MGAT4C: variants seen among roughly 807,000 people sequenced by gnomAD.
MGAT4C encodes alpha-1,3-mannosyl-glycoprotein 4-beta-N-acetylglucosaminyltransferase C.
MGAT4C carries 19 observed loss-of-function variants against 40.1 expected under a neutral mutation model. The ratio of observed to expected loss-of-function variants is 0.47; its 90% CI spans 0.33 to 0.70. The LOEUF (loss-of-function observed/expected upper bound fraction) is 0.70, where lower values mean the gene tolerates loss of function less well. Among genes scored for constraint, MGAT4C ranks in the 30% least tolerant of loss-of-function variants. The probability of loss-of-function intolerance (pLI) is 0.02; values close to 1 mark genes in which losing one functional copy is unlikely to be tolerated. For missense variants in MGAT4C, 491 were observed against 563.2 expected, an observed-to-expected ratio of 0.87 and a Z score of 1.30; for synonymous variants, 181 against 187.1, an observed-to-expected ratio of 0.97 and a Z score of 0.27.
chr12:86,372,312 A>C (rs913717984), intron 3 of MGAT4C, among the ~76,000 whole-genome samples: 1 of 151,892 alleles, frequency 6.6e-6, no homozygotes, highest in African/African-American at 2.4e-5. Flanking sequence ...CACCCGAATC[A>C]TGTATTAGTG....
At chr12:86,223,907 C>T (rs1182965986) in intron 1 of MGAT4C, among the ~76,000 whole-genome samples, 1 of 152,184 alleles carries the variant, frequency 6.6e-6, no homozygotes, top group African/African-American at 2.4e-5. Flanking sequence ...AGCACTACCA[C>T]TTGTGTTCCA....
At chr12:86,402,108 C>T (rs951315082) in intron 3 of MGAT4C, among the ~76,000 whole-genome samples, 3 of 151,610 alleles carry the variant, frequency 2.0e-5, no homozygotes, top group African/African-American at 7.3e-5. Context: ...AATTTGGTGT[C>T]GTCTATTTAA....
At chr12:86,535,550 T>C (rs1959053900) in intron 2 of MGAT4C, among the ~76,000 whole-genome samples, 1 of 152,070 alleles carries the variant, frequency 6.6e-6, no homozygotes, top group African/African-American at 2.4e-5. Flanking sequence ...TTGAGTCCTG[T>C]AATTAGACAG....
At chr12:86,493,247 C>A (rs2136325516) in intron 2 of MGAT4C, among the ~76,000 whole-genome samples, 1 of 151,258 alleles carries the variant, frequency 6.6e-6, no homozygotes, top group Non-Finnish European at 1.5e-5. Flanking sequence ...GGCGATTCCT[C>A]AGGGATCTAG....
At chr12:86,491,143 G>A (rs1005891753) in intron 2 of MGAT4C, among the ~76,000 whole-genome samples, 2 of 152,068 alleles carry the variant, frequency 1.3e-5, no homozygotes, top group African/African-American at 4.8e-5. Flanking sequence ...TGAAATTGTG[G>A]CAATAATCAA....
rs373336989 is a variant in MGAT4C, at chr12:86,751,619, A to G, written c.-261-24378T>C. ...TCTTATTTCTACCACTCTAATTAATAGCTTTAGCATAACTGCTATTTTCCA... is the reference window on the plus strand; with the variant it reads ...TCTTATTTCTACCACTCTAATTAATGGCTTTAGCATAACTGCTATTTTCCA... On this transcript the variant is annotated intron_variant, in intron 1 of 7. Coordinates refer to the MGAT4C transcript ENST00000548651. Among the ~76,000 whole-genome samples, 465 of 152,230 alleles carry G rather than the reference A, an allele frequency of 3.1e-3. 3 individuals are homozygous for G. The highest frequency in any genetic ancestry group is 0.014 in the Middle Eastern group (4 of 294).
At chr12:86,432,754 A>T (rs1957065036) in intron 3 of MGAT4C, among the ~76,000 whole-genome samples, 1 of 152,156 alleles carries the variant, frequency 6.6e-6, no homozygotes, top group African/African-American at 2.4e-5. Flanking sequence ...TTTCTACAAA[A>T]TATCTCTCTA....
chr12:86,418,095 C>A (rs974459167), intron 3 of MGAT4C, among the ~76,000 whole-genome samples: 3 of 151,988 alleles, frequency 2.0e-5, no homozygotes, highest in African/African-American at 7.2e-5. Flanking sequence ...ACATTCTTTG[C>A]ACAAACTTTT....
At chr12:86,183,923 A>G (rs532135147) in intron 1 of MGAT4C, among the ~76,000 whole-genome samples, 2 of 152,188 alleles carry the variant, frequency 1.3e-5, no homozygotes, top group African/African-American at 4.8e-5. Context: ...ATTTGGGGGG[A>G]CAAAATTCCA....
chr12:86,661,784 C>A (rs1185331319), intron 2 of MGAT4C, among the ~76,000 whole-genome samples: 1 of 151,892 alleles, frequency 6.6e-6, no homozygotes, highest in African/African-American at 2.4e-5. Flanking sequence ...ACTAAAAATG[C>A]AAAAATTAGC....
chr12:86,391,267 C>A (rs546101010), intron 3 of MGAT4C, among the ~76,000 whole-genome samples: 1 of 152,088 alleles, frequency 6.6e-6, no homozygotes, highest in Non-Finnish European at 1.5e-5. Context: ...CATGTAAGCA[C>A]TTTGATTTTT....
intron 2 of MGAT4C, among the ~76,000 whole-genome samples, chr12:86,615,472 G>T (rs1407341455): frequency 6.6e-6 from 1 of 151,964 alleles, no homozygotes; most frequent in African/African-American, 2.4e-5. Context: ...TGGAAACCCG[G>T]TATTAAACTC....
chr12:86,294,866 T>G (rs760636801), intron 4 of MGAT4C, among the ~76,000 whole-genome samples: 4 of 152,180 alleles, frequency 2.6e-5, no homozygotes, highest in Non-Finnish European at 4.4e-5. Context: ...CCATTTTCCC[T>G]TCCTTCTCTA....
chr12:85,987,281 C>T (rs543033367), intron 3 of MGAT4C, among the ~76,000 whole-genome samples: 34 of 149,608 alleles, frequency 2.3e-4, no homozygotes, highest in African/African-American at 8.3e-4. Context: ...GGGCTACAGG[C>T]GCCCGCCACT....
chr12:86,716,187 C>T (rs572255662), intron 2 of MGAT4C, among the ~76,000 whole-genome samples: 1 of 152,204 alleles, frequency 6.6e-6, no homozygotes, highest in South Asian at 2.1e-4. Flanking sequence ...TCATCCCATA[C>T]AGGAGGTACA....
At chr12:86,480,597 T>C (rs1294103719) in intron 2 of MGAT4C, among the ~76,000 whole-genome samples, 1 of 151,836 alleles carries the variant, frequency 6.6e-6, no homozygotes, top group African/African-American at 2.4e-5. Flanking sequence ...TGTATACATA[T>C]ATAGATATGT....
chr12:86,490,996 C>T (rs1958121251), intron 2 of MGAT4C, among the ~76,000 whole-genome samples: 1 of 152,092 alleles, frequency 6.6e-6, no homozygotes, highest in African/African-American at 2.4e-5. Context: ...CAACATTAGA[C>T]AGATCAACGA....
chr12:86,201,849 G>C (rs563561488), intron 1 of MGAT4C, among the ~76,000 whole-genome samples: 1 of 152,032 alleles, frequency 6.6e-6, no homozygotes, highest in South Asian at 2.1e-4. Flanking sequence ...TTAATGTTTA[G>C]TGCAGATATA....
chr12:86,477,065 C>A (rs1033171948), intron 2 of MGAT4C, among the ~76,000 whole-genome samples: 1 of 151,542 alleles, frequency 6.6e-6, no homozygotes, highest in South Asian at 2.1e-4. Context: ...GAAAATTTAA[C>A]CCCTGAATCC....
Sources: allele counts gnomAD v4.1 joint callset (sites outside exome capture counted in the v4.1 genomes callset), GRCh38; gene constraint gnomAD v4.1.1; transcripts MANE v1.5; gene names NCBI Gene and HGNC (gene_info 2026-07-23, HGNC 2026-07-21).